The following KLHL3 variants were observed in gnomAD, a reference collection of about 807,000 sequenced individuals.
The protein encoded by KLHL3 is kelch like family member 3.
KLHL3 carries 19 observed loss-of-function variants against 70.5 expected under a neutral mutation model. That is an observed-to-expected ratio of 0.27 (90% confidence interval 0.19 to 0.40). KLHL3 has a LOEUF of 0.40. Ranked by LOEUF, KLHL3 falls within the 10% of genes least tolerant of loss-of-function variation. The pLI, the probability that KLHL3 is intolerant of heterozygous loss-of-function variation, is 1.00. For synonymous variants in KLHL3, 258 were observed against 290.3 expected (o/e 0.89, Z 1.13); for missense variants, 512 against 771.1 (o/e 0.66, Z 3.98).
At chr5:137,643,611 A>T (rs1750972522) in intron 8 of KLHL3, among the ~76,000 whole-genome samples, 1 of 152,230 alleles carries the variant, frequency 6.6e-6, no homozygotes, top group South Asian at 2.1e-4. Flanking sequence ...TAGTTGGCAC[A>T]TAATAGGTAC....
intron 1 of KLHL3, among the ~76,000 whole-genome samples, chr5:137,727,535 G>A (rs751129861): frequency 1.2e-4 from 19 of 152,006 alleles, no homozygotes; most frequent in African/African-American, 2.7e-4. Flanking sequence ...TCTTATTACC[G>A]TAATACTAAA....
intron 4 of KLHL3, chr5:137,692,684 C>T (rs1437394057): frequency 4.1e-6 from 2 of 482,540 alleles, no homozygotes; most frequent in Non-Finnish European, 3.7e-6. Context: ...GTCTTTAATC[C>T]CTGGGGATCT....
intron 8 of KLHL3, among the ~76,000 whole-genome samples, chr5:137,652,033 C>G (rs369896861): frequency 2.6e-5 from 4 of 151,324 alleles, no homozygotes; most frequent in African/African-American, 9.7e-5. Context: ...CCTCATGCAC[C>G]ATATTAAGAA....
intron 7 of KLHL3, among the ~76,000 whole-genome samples, chr5:137,659,757 T>A (rs996639858): frequency 1.3e-5 from 2 of 152,172 alleles, no homozygotes; most frequent in Non-Finnish European, 2.9e-5. Flanking sequence ...TTGGAAATCT[T>A]TATAGTAATG....
At chr5:137,683,952 C>T (rs575421633) in intron 5 of KLHL3, among the ~76,000 whole-genome samples, 1 of 152,270 alleles carries the variant, frequency 6.6e-6, no homozygotes, top group South Asian at 2.1e-4. Flanking sequence ...TCTGTGTCTG[C>T]ACGACTGCCT....
At chr5:137,714,809 T>C (rs181620308) in intron 2 of KLHL3, among the ~76,000 whole-genome samples, 110 of 152,280 alleles carry the variant, frequency 7.2e-4, no homozygotes, top group Non-Finnish European at 2.2e-4. Flanking sequence ...GATAAAACTG[T>C]TACCAAAAGA....
chr5:137,728,431 A>G (rs1753119507), intron 1 of KLHL3, among the ~76,000 whole-genome samples: 1 of 152,112 alleles, frequency 6.6e-6, no homozygotes, highest in Admixed American at 6.5e-5. Flanking sequence ...TAAAATACTG[A>G]TGGCTTTGTC....
chr5:137,699,267 G>T (rs1285363318), intron 3 of KLHL3, among the ~76,000 whole-genome samples: 1 of 152,182 alleles, frequency 6.6e-6, no homozygotes, highest in Non-Finnish European at 1.5e-5. Context: ...CGTGCAAAGA[G>T]AAGAAAGTAC....
At chr5:137,730,205 T>A (rs539183871) in intron 1 of KLHL3, among the ~76,000 whole-genome samples, 19 of 152,304 alleles carry the variant, frequency 1.2e-4, no homozygotes, top group African/African-American at 4.3e-4. Flanking sequence ...CCCAGGTCTA[T>A]CTGACTCCAA....
chr5:137,704,090 C>A (rs1295217497), intron 3 of KLHL3, among the ~76,000 whole-genome samples: 1 of 152,218 alleles, frequency 6.6e-6, no homozygotes, highest in Non-Finnish European at 1.5e-5. Flanking sequence ...AAAGTGAATT[C>A]TCCACGCACC....
Position 137,709,817 on chromosome 5 carries a change from A to G in KLHL3, c.174T>C (p.Asp58=), listed in dbSNP as rs777393894. Residue 58 remains aspartate (D), a synonymous_variant, in exon 3 of 15, where the codon GAT becomes GAC. Coordinates refer to ENST00000309755, the MANE Select transcript of KLHL3 (RefSeq NM_017415.3). ...LLCDVMIVAE[D]VEIEAHRVVL... Reference sequence around the variant, plus strand: ...CCACACGGTGGGCTTCTATCTCGACATCTTCTGCCACAATCATCACGTCAC... The same window carrying G: ...CCACACGGTGGGCTTCTATCTCGACGTCTTCTGCCACAATCATCACGTCAC... 4.3e-6 allele frequency: 7 copies of G among 1,614,160 alleles called. No individual in the cohort carries two copies. The Admixed American group carries it at 1.2e-4, about 27-fold the overall frequency.
At chr5:137,622,664 C>T (rs1025173123) in intron 14 of KLHL3, among the ~76,000 whole-genome samples, 2 of 152,244 alleles carry the variant, frequency 1.3e-5, no homozygotes, top group Admixed American at 1.3e-4. Context: ...AGTTCCCACA[C>T]AAATGTCATC....
At chr5:137,689,957 G>A (rs994433257) in intron 5 of KLHL3, among the ~76,000 whole-genome samples, 3 of 152,232 alleles carry the variant, frequency 2.0e-5, no homozygotes, top group African/African-American at 7.2e-5. Context: ...CTGGTAAGAG[G>A]AGACACAGAA....
intron 4 of KLHL3, among the ~76,000 whole-genome samples, chr5:137,696,047 C>T (rs1752436906): frequency 6.6e-6 from 1 of 152,220 alleles, no homozygotes; most frequent in African/African-American, 2.4e-5. Flanking sequence ...GGCTTCCCCT[C>T]CATTTTTCAT....
At chr5:137,680,958 A>C (rs987802626) in intron 5 of KLHL3, among the ~76,000 whole-genome samples, 1 of 152,100 alleles carries the variant, frequency 6.6e-6, no homozygotes, top group African/African-American at 2.4e-5. Flanking sequence ...AGATCATTTG[A>C]GGTCAGGGGT....
intron 14 of KLHL3, among the ~76,000 whole-genome samples, chr5:137,624,556 C>T (rs557678407): frequency 6.6e-6 from 1 of 152,326 alleles, no homozygotes; most frequent in South Asian, 2.1e-4. Flanking sequence ...AAAGAATGTG[C>T]TGCAAACTCC....
At chr5:137,709,340 C>T (rs1373807905) in intron 3 of KLHL3, among the ~76,000 whole-genome samples, 1 of 152,182 alleles carries the variant, frequency 6.6e-6, no homozygotes, top group Non-Finnish European at 1.5e-5. Context: ...GCCAGGAAGC[C>T]AAGTCCCACT....
At position 137,735,880 on chromosome 5, in the gene KLHL3, A is replaced by T. The variant is rs755611779; in HGVS notation, c.-234T>A. 17 of 588,858 alleles carry T rather than the reference A, an allele frequency of 2.9e-5. No individual in the cohort carries two copies. The highest frequency in any genetic ancestry group is 1.1e-4 in the Admixed American group (4 of 36,270). 36.5% of individuals were successfully genotyped at this position (588,858 alleles called of 1,614,324 possible). ...AAATGTCTTACCCAGAGCTCCCTGC[A>T]GCCCTTTCAGCTGCTAAAAGCAGCA... On this transcript the variant is annotated 5_prime_UTR_variant, in exon 1 of 15. Coordinates refer to ENST00000309755, the MANE Select transcript of KLHL3 (RefSeq NM_017415.3).
chr5:137,621,732 A>C lies in KLHL3; in HGVS notation c.*366T>G. ...AAAGAAATCCAGTAGACTGTCACAC[A>C]CGCTCACCCCCCAACTTAGAGAAAC... On this transcript the variant is annotated 3_prime_UTR_variant, in exon 15 of 15. Transcript: ENST00000309755. 3.9e-6 allele frequency: 1 copy of C among 254,050 alleles called. No homozygotes were observed. The highest frequency in any genetic ancestry group is 7.6e-6 in the Non-Finnish European group (1 of 132,230). The allele number at this position is 254,050 out of a possible 1,614,324, so 15.7% of individuals were successfully genotyped here. A position where few individuals can be genotyped will look rare whatever the true frequency, so the allele number is the denominator to read the frequency against.
Sources: gnomAD v4.1 joint callset for allele counts (sites outside exome capture counted in the v4.1 genomes callset) on GRCh38, gnomAD v4.1.1 for gene constraint, MANE v1.5 for transcripts, NCBI Gene and HGNC (gene_info 2026-07-23, HGNC 2026-07-21) for gene names.